LMLN: variants seen among roughly 807,000 people sequenced by gnomAD.
The protein encoded by LMLN is leishmanolysin-like peptidase.
Under a neutral mutation model 92.3 loss-of-function variants are expected in LMLN, and 70 were observed. That is an observed-to-expected ratio of 0.76 (90% CI 0.63 to 0.92). LMLN has a LOEUF of 0.92. Among genes scored for constraint, LMLN ranks in the 40% least tolerant of loss-of-function variants. The pLI, the probability that LMLN is intolerant of heterozygous loss-of-function variation, is 0.00. For missense variants in LMLN, 691 were observed against 814.6 expected (o/e 0.85, Z 1.85); for synonymous variants, 308 against 296.2 (o/e 1.04, Z -0.41).
intron 11 of LMLN, among the ~76,000 whole-genome samples, chr3:198,013,277 T>C (rs1370547326): frequency 3.6e-5 from 3 of 83,240 alleles, no homozygotes; most frequent in East Asian, 3.0e-4. Flanking sequence ...GACTTCTCTG[T>C]ACCCTTCAGA....
At chr3:197,976,649 C>T (rs758904229) in exon 5 of LMLN, 2 of 1,600,856 alleles carry the variant, frequency 1.2e-6, no homozygotes, top group Non-Finnish European at 1.7e-6. Context: ...CTCACAGGTA[C>T]TGCACCGGGG....
chr3:198,015,719 G>C (rs1338956453), intron 11 of LMLN, among the ~76,000 whole-genome samples: 35 of 104,382 alleles, frequency 3.4e-4, no homozygotes, highest in African/African-American at 7.4e-4. Context: ...TGACTTCTCT[G>C]TACCCTTCAG....
chr3:198,031,566 A>AG lies in LMLN; in HGVS notation c.1657-4265dup, dbSNP rs1386578508. On this transcript the variant is annotated intron_variant, in intron 14 of 15. Transcript: ENST00000330198. The surrounding 1 kb of genome is among the most constrained non-coding windows in gnomAD (Gnocchi z 4.8). Reference sequence around the variant, plus strand: ...ATTTTCCTAATGGATGATTGGGTGCAGGAAAAAAAGAAAGAAAATTATTTT... The same window carrying AG: ...ATTTTCCTAATGGATGATTGGGTGCAGGGAAAAAAAGAAAGAAAATTATTTT... 6.6e-6 allele frequency among the ~76,000 whole-genome samples: 1 copy of AG among 152,322 alleles called. No homozygotes were observed. Among genetic ancestry groups the AG allele is most frequent in the African/African-American group, 2.4e-5 (1 of 41,578 alleles).
rs538533652 is a variant in LMLN at position 197,974,951 on chromosome 3, C to T, written c.318-91C>T. Reference sequence around the variant, plus strand: ...TCCATAGGCAGAGCAGGCCCAAGGCCTGCTGGTTGCCCATTTTTATGGTTA... The same window carrying T: ...TCCATAGGCAGAGCAGGCCCAAGGCTTGCTGGTTGCCCATTTTTATGGTTA... On this transcript the variant is annotated intron_variant, in intron 2 of 15. Transcript: ENST00000330198. The T allele has an allele frequency of 3.1e-4, 253 of 828,760 alleles. 9 individuals carry two copies. In the South Asian group the frequency reaches 3.6e-3, roughly 12 times the overall value. 51.3% of individuals were successfully genotyped at this position (828,760 alleles called of 1,614,324 possible).
rs755999895 is a variant in LMLN, at chr3:197,974,407, CAT to C, written c.251_252del (p.His84ArgfsTer7). 3.8e-6 allele frequency: 6 copies of C among 1,596,920 alleles called. No individual in the cohort carries two copies. The African/African-American group carries it at 6.8e-5, about 18-fold the overall frequency. ...AAATAAAGTTCATCTTAAGGCAAAT[CAT>C]GTGGTCAAGAGAGATGTTGATGAGC... On this transcript the variant is annotated frameshift_variant, in exon 2 of 16. Coordinates refer to ENST00000330198, the Ensembl canonical transcript of LMLN. LOFTEE classifies it high-confidence loss of function.
intron 11 of LMLN, among the ~76,000 whole-genome samples, chr3:198,000,628 A>G (rs1390185558): frequency 1.3e-5 from 2 of 151,480 alleles, no homozygotes; most frequent in East Asian, 3.9e-4. Context: ...GGGTTTCGCC[A>G]TGTCGGCCAG....
Position 197,969,891 on chromosome 3 carries a change from C to A in LMLN, c.220-4486C>A, listed in dbSNP as rs558495418. On this transcript the variant is annotated intron_variant, in intron 1 of 15. Coordinates refer to ENST00000330198, the Ensembl canonical transcript of LMLN. ...CAGCACAGTGGCTCATGCTTGTAAT[C>A]CCAGCACTTTGGGAGGCCGAGGCTG... Among the ~76,000 whole-genome samples the A allele has an allele frequency of 1.2e-3, 187 of 152,286 alleles. 2 individuals carry two copies. Among genetic ancestry groups the A allele is most frequent in the African/African-American group, 4.2e-3 (174 of 41,556 alleles).
intron 12 of LMLN, among the ~76,000 whole-genome samples, chr3:198,020,652 G>A (rs538317881): frequency 4.0e-5 from 6 of 151,828 alleles, no homozygotes; most frequent in Middle Eastern, 3.5e-3. Flanking sequence ...GGAGTGCAGT[G>A]GTGCAATCTC....
At chr3:197,988,065 T>G (rs1325486859) in intron 8 of LMLN, among the ~76,000 whole-genome samples, 2 of 152,148 alleles carry the variant, frequency 1.3e-5, no homozygotes, top group African/African-American at 4.8e-5. Flanking sequence ...TTATTATAAA[T>G]ATTTCTCCTA....
chr3:198,018,648 A>G (rs1309684186), intron 11 of LMLN, among the ~76,000 whole-genome samples: 1 of 152,208 alleles, frequency 6.6e-6, no homozygotes, highest in Non-Finnish European at 1.5e-5. Flanking sequence ...TATTTAATAC[A>G]GGCTTTTTTT....
In LMLN at chr3:198,035,030, A is replaced by G. The variant is rs2109957999; in HGVS notation, c.1657-803A>G. Among the ~76,000 whole-genome samples the G allele has an allele frequency of 2.0e-5, 3 of 152,168 alleles. No individual in the cohort carries two copies. The East Asian group carries it at 5.8e-4, about 29-fold the overall frequency. ...GGCAACATGACAAAACCCAAACCCC[A>G]TCTCTACAAGAAAATACAAAAATTA... is the stretch of plus-strand genomic sequence containing the variant. On this transcript the variant is annotated intron_variant, in intron 14 of 15. Transcript: ENST00000330198.
chr3:198,018,862 T>C (rs1354723098), intron 11 of LMLN, among the ~76,000 whole-genome samples: 1 of 152,244 alleles, frequency 6.6e-6, no homozygotes, highest in Non-Finnish European at 1.5e-5. Context: ...AAGGTTATTT[T>C]TGCAAGACAG....
At chr3:197,974,580 A>G (rs986766442) in intron 2 of LMLN, 106 bp downstream of exon 2, 9 of 597,504 alleles carry the variant, frequency 1.5e-5, no homozygotes, top group Non-Finnish European at 2.6e-5. Context: ...AAACTTAAGG[A>G]CTAGTGTAGC....
intron 14 of LMLN, among the ~76,000 whole-genome samples, chr3:198,033,822 G>T (rs1011762466): frequency 6.6e-6 from 1 of 152,198 alleles, no homozygotes; most frequent in East Asian, 1.9e-4. Context: ...ATCAAGTCTC[G>T]CTTTAAAGAA....
At chr3:198,016,042 A>T (rs967268874) in intron 11 of LMLN, among the ~76,000 whole-genome samples, 2 of 151,972 alleles carry the variant, frequency 1.3e-5, no homozygotes, top group African/African-American at 4.8e-5. Flanking sequence ...AAGTAAAAAA[A>T]TTAGGCTGGC....
exon 16 of LMLN, chr3:198,038,916 A>G (rs1263376605): frequency 5.1e-4 from 172 of 334,384 alleles, no homozygotes; most frequent in East Asian, 3.9e-3. Context: ...CAGCAACCCA[A>G]CCACCTCGTC....
At chr3:197,963,918 T>TC (rs1372446106) in intron 1 of LMLN, among the ~76,000 whole-genome samples, 1 of 152,212 alleles carries the variant, frequency 6.6e-6, no homozygotes, top group African/African-American at 2.4e-5. Context: ...TTTTTGTAGT[T>TC]CCCTTTATCA....
At chr3:198,024,309 G>C (rs544975950) in intron 13 of LMLN, among the ~76,000 whole-genome samples, 1 of 149,544 alleles carries the variant, frequency 6.7e-6, no homozygotes. Flanking sequence ...TCCGCCTCCC[G>C]GGTTCACGCC....
At chr3:198,021,739 T>G (rs903038959) in intron 13 of LMLN, 134 bp downstream of exon 14, 11 of 677,240 alleles carry the variant, frequency 1.6e-5, no homozygotes, top group Non-Finnish European at 2.2e-5. Context: ...GCTATCCATA[T>G]GTAAGAAGTG....
Sources: gnomAD v4.1 joint callset for allele counts (sites outside exome capture counted in the v4.1 genomes callset) on GRCh38, gnomAD v4.1.1 for gene constraint, Gnocchi (gnomAD v3.1) non-coding constraint, MANE v1.5 for transcripts, NCBI Gene and HGNC (gene_info 2026-07-23, HGNC 2026-07-21) for gene names.